Variants in NUDT9 observed in about 807,000 individuals in gnomAD.
The protein encoded by NUDT9 is ADP-ribose pyrophosphatase.
NUDT9 carries 31 observed loss-of-function variants against 41.0 expected under a neutral mutation model. The ratio of observed to expected loss-of-function variants is 0.76; its 90% confidence interval spans 0.57 to 1.02. The LOEUF (loss-of-function observed/expected upper bound fraction) is 1.02. Among genes scored for constraint, NUDT9 ranks in the 50% least tolerant of loss-of-function variants. The pLI is 0.00. For synonymous variants in NUDT9, 146 were observed against 147.6 expected, an observed-to-expected ratio of 0.99 and a Z score of 0.08; for missense variants, 380 against 431.4, an observed-to-expected ratio of 0.88 and a Z score of 1.06.
intron 2 of NUDT9, 94 bp from the exon 3 acceptor site, chr4:87,438,183 A>G: frequency 3.4e-6 from 2 of 594,802 alleles, no homozygotes; most frequent in South Asian, 2.7e-5. Context: ...TGTTTCAGGA[A>G]TACTTCTTAT....
intron 1 of NUDT9, among the ~76,000 whole-genome samples, chr4:87,427,291 A>G (rs1325193687): frequency 6.6e-6 from 1 of 152,218 alleles, no homozygotes; most frequent in African/African-American, 2.4e-5. Flanking sequence ...GCACCACGTC[A>G]GTATTGCATT....
intron 7 of NUDT9, among the ~76,000 whole-genome samples, chr4:87,454,672 C>T (rs1478111606): frequency 2.0e-5 from 3 of 152,134 alleles, no homozygotes; most frequent in South Asian, 2.1e-4. Flanking sequence ...TTCTTTAATC[C>T]ATTGGTAACA....
At chr4:87,433,856 A>G (rs940187510) in intron 1 of NUDT9, among the ~76,000 whole-genome samples, 24 of 152,284 alleles carry the variant, frequency 1.6e-4, no homozygotes, top group African/African-American at 5.8e-4. Flanking sequence ...TCTAAAGGTT[A>G]CAATTTGTAT....
chr4:87,446,567 G>A (rs1453336606), intron 4 of NUDT9, among the ~76,000 whole-genome samples: 1 of 152,036 alleles, frequency 6.6e-6, no homozygotes, highest in African/African-American at 2.4e-5. Context: ...TAAACATTCT[G>A]CTTGTTCAGT....
rs113272521 is a variant in NUDT9 at position 87,444,720 on chromosome 4, A to G, written c.530+2805A>G. On this transcript the variant is annotated intron_variant, in intron 4 of 7. Coordinates refer to ENST00000302174, the MANE Select transcript of NUDT9 (RefSeq NM_024047.5). ...CTTATCTTTATCTATGGTGGACCCA[A>G]TAGTGGCTGGGAGTATACATGGTGA... 1.6e-3 allele frequency among the ~76,000 whole-genome samples: 243 copies of G among 152,318 alleles called. 1 individual carries two copies. The highest frequency in any genetic ancestry group is 5.6e-3 in the African/African-American group (234 of 41,572).
chr4:87,456,282 G>A (rs1312872675), intron 7 of NUDT9, among the ~76,000 whole-genome samples: 1 of 152,148 alleles, frequency 6.6e-6, no homozygotes, highest in East Asian at 1.9e-4. Context: ...CTTTTAGTGA[G>A]CCTGTGGCCC....
chr4:87,452,669 G>T (rs1578080397), intron 6 of NUDT9, among the ~76,000 whole-genome samples: 1 of 151,756 alleles, frequency 6.6e-6, no homozygotes. Context: ...TGTCCAGGCT[G>T]GTCTTGAACT....
chr4:87,443,187 T>C (rs898149928), intron 4 of NUDT9, among the ~76,000 whole-genome samples: 3 of 152,122 alleles, frequency 2.0e-5, no homozygotes, highest in East Asian at 1.9e-4. Flanking sequence ...TGTAATCTTA[T>C]GGGACCACCG....
chr4:87,447,027 A>T (rs974781435), intron 4 of NUDT9, among the ~76,000 whole-genome samples: 7 of 152,124 alleles, frequency 4.6e-5, no homozygotes, highest in Non-Finnish European at 8.8e-5. Context: ...CTGCTTAAAA[A>T]CACTCTCTGG....
At chr4:87,426,850 A>G (rs1168046910) in intron 1 of NUDT9, among the ~76,000 whole-genome samples, 1 of 151,578 alleles carries the variant, frequency 6.6e-6, no homozygotes, top group Admixed American at 6.6e-5. Context: ...AGCCTGGGCA[A>G]CATAGAGTGA....
intron 2 of NUDT9, among the ~76,000 whole-genome samples, chr4:87,437,558 G>T (rs1483215474): frequency 6.6e-6 from 1 of 151,654 alleles, no homozygotes; most frequent in Non-Finnish European, 1.5e-5. Context: ...TAGCCAGGAT[G>T]GTCTTGATCT....
In NUDT9 at chr4:87,437,518, T is replaced by A. The variant is rs531162693; in HGVS notation, c.348-759T>A. Among the ~76,000 whole-genome samples, 268 of 148,602 alleles carry A rather than the reference T, an allele frequency of 1.8e-3. 1 individual carries two copies. Among genetic ancestry groups the A allele is most frequent in the Non-Finnish European group, 2.6e-3 (178 of 67,780 alleles). On this transcript the variant is annotated intron_variant, in intron 2 of 7. Coordinates refer to ENST00000302174, the MANE Select transcript of NUDT9 (RefSeq NM_024047.5). ...ACCATGCCCAGCTAATTTTTTGTAT[T>A]TTTTTAGTAGAGATGGGGTTCCACC...
At chr4:87,449,863 T>C (rs1427603152) in intron 5 of NUDT9, among the ~76,000 whole-genome samples, 1 of 152,096 alleles carries the variant, frequency 6.6e-6, no homozygotes, top group Non-Finnish European at 1.5e-5. Context: ...TTTTATTTTT[T>C]ATTTATTTAT....
At chr4:87,442,193 C>T (rs1387254424) in intron 4 of NUDT9, among the ~76,000 whole-genome samples, 1 of 152,140 alleles carries the variant, frequency 6.6e-6, no homozygotes, top group Non-Finnish European at 1.5e-5. Flanking sequence ...TACACCTATG[C>T]CATATGCTAT....
chr4:87,444,153 T>C (rs1013595361), intron 4 of NUDT9, among the ~76,000 whole-genome samples: 1 of 152,210 alleles, frequency 6.6e-6, no homozygotes, highest in African/African-American at 2.4e-5. Flanking sequence ...CCACGTGGAA[T>C]TGTCATGTTC....
chr4:87,422,880 A>G lies in NUDT9; in HGVS notation c.-26A>G, dbSNP rs368510686. 5.0e-6 allele frequency: 8 copies of G among 1,594,328 alleles called. No individual in the cohort carries two copies. In the African/African-American group the frequency reaches 8.1e-5, roughly 16 times the overall value. ...AGGCACCAACTAAGAGCGACCTAGC[A>G]TCGCAAAGCCGCCCTCGGGGCGCTC... On this transcript the variant is annotated 5_prime_UTR_variant, in exon 1 of 8. Coordinates refer to ENST00000302174, the MANE Select transcript of NUDT9 (RefSeq NM_024047.5).
rs1297824406 is a variant in NUDT9 at position 87,459,095 on chromosome 4, G to A, written c.*1074G>A. On this transcript the variant is annotated 3_prime_UTR_variant, in exon 8 of 8. Transcript: ENST00000302174. The stretch of plus-strand genomic sequence containing the variant: ...AGACAATGTGGTATATGTACACCAT[G>A]GAATACTATGCAGCCGTAAAAAAGA... 1.3e-5 allele frequency: 2 copies of A among 152,172 alleles called. No individual in the cohort carries two copies. The highest frequency in any genetic ancestry group is 3.8e-4 in the East Asian group (2 of 5,198). The allele number at this position is 152,172 out of a possible 1,614,324, so 9.4% of individuals were successfully genotyped here.
chr4:87,450,412 A>T (rs549673342), intron 5 of NUDT9, among the ~76,000 whole-genome samples: 222 of 117,478 alleles, frequency 1.9e-3, no homozygotes, highest in Non-Finnish European at 2.7e-3. Context: ...ACGGAGTCTC[A>T]CTCTGTTGCC....
Position 87,435,141 on chromosome 4 carries a change from G to C in NUDT9, c.268G>C (p.Glu90Gln), listed in dbSNP as rs1205716356. Residue 90 changes from glutamate to glutamine, a missense_variant, in exon 2 of 8, where the codon GAG becomes CAG. Transcript: ENST00000302174. ...VPNEKVGWLV[E>Q]WQDYKPVEYT... is the part of the protein sequence containing the mutation. ...TAATGAGAAAGTGGGCTGGCTTGTT[G>C]AGTGGCAAGACTATAAGCCTGTGGA... 3 of 1,614,082 alleles carry C rather than the reference G, an allele frequency of 1.9e-6. No homozygotes were observed. In the African/African-American group the frequency reaches 4.0e-5, roughly 22 times the overall value.
Sources: allele counts gnomAD v4.1 joint callset (sites outside exome capture counted in the v4.1 genomes callset), GRCh38; gene constraint gnomAD v4.1.1; transcripts MANE v1.5; gene names NCBI Gene and HGNC (gene_info 2026-07-23, HGNC 2026-07-21).